EPB41: variants seen among roughly 807,000 people sequenced by gnomAD.
The protein encoded by EPB41 is erythrocyte membrane protein band 4.1.
In EPB41, 65 loss-of-function variants were observed where a neutral mutation model predicts 108.0. The observed-to-expected ratio is 0.60, with a 90% confidence interval of 0.49 to 0.74. The LOEUF (loss-of-function observed/expected upper bound fraction) is 0.74. EPB41 is among the 30% of genes least tolerant of loss of function. The pLI, the probability that EPB41 is intolerant of heterozygous loss-of-function variation, is 0.00. For synonymous variants in EPB41, 336 were observed against 358.9 expected (o/e 0.94, Z 0.72); for missense variants, 875 against 1,037.0 (o/e 0.84, Z 2.15).
intron 11 of EPB41, among the ~76,000 whole-genome samples, chr1:29,047,407 G>A (rs1643591319): frequency 2.8e-5 from 4 of 144,560 alleles, no homozygotes; most frequent in South Asian, 2.2e-4. Context: ...ACGCTACCGC[G>A]CCTGGCTAAT....
upstream of EPB41, chr1:28,911,252 G>T: frequency 1.2e-6 from 1 of 809,050 alleles, no homozygotes; most frequent in Non-Finnish European, 1.5e-6. Context: ...CTCATGTGTG[G>T]ATAGTACTTT....
chr1:29,093,934 A>G (rs1662264045), intron 16 of EPB41, among the ~76,000 whole-genome samples: 2 of 152,238 alleles, frequency 1.3e-5, no homozygotes, highest in African/African-American at 2.4e-5. Flanking sequence ...GCCAGTTCCT[A>G]TGTCCGGAAT....
Position 28,887,856 on chromosome 1 carries a change from C to G in EPB41, c.-8+646C>G, listed in dbSNP as rs2089627469. Reference sequence around the variant, plus strand: ...CCCTCTGTCTGGGTCTCCCGGGTCTCTCTGTCCGGTTCAGGCTCAGGTTCC... The same window carrying G: ...CCCTCTGTCTGGGTCTCCCGGGTCTGTCTGTCCGGTTCAGGCTCAGGTTCC... On this transcript the variant is annotated intron_variant, in intron 1 of 16. Transcript: ENST00000347529. The surrounding 1 kb of genome is among the most constrained non-coding windows in gnomAD (Gnocchi z 4.9). 6.6e-6 allele frequency among the ~76,000 whole-genome samples: 1 copy of G among 152,258 alleles called. No individual in the cohort carries two copies. Among genetic ancestry groups the G allele is most frequent in the Admixed American group, 6.5e-5 (1 of 15,294 alleles).
At chr1:29,110,059 G>T (rs1240025377) in intron 18 of EPB41, among the ~76,000 whole-genome samples, 4 of 151,016 alleles carry the variant, frequency 2.6e-5, no homozygotes, top group Non-Finnish European at 4.4e-5. Context: ...AAGGGGCCAG[G>T]CGTGGTGTAA....
At chr1:28,956,980 T>A (rs985873183) in intron 1 of EPB41, among the ~76,000 whole-genome samples, 4 of 152,226 alleles carry the variant, frequency 2.6e-5, no homozygotes, top group Non-Finnish European at 5.9e-5. Flanking sequence ...CTTGAAATAG[T>A]GAAAATAATT....
intron 4 of EPB41, among the ~76,000 whole-genome samples, chr1:29,001,399 T>C (rs889267593): frequency 1.3e-5 from 2 of 152,180 alleles, no homozygotes; most frequent in Non-Finnish European, 2.9e-5. Flanking sequence ...CTGTTTTATA[T>C]ACAGCTGTCC....
At chr1:29,025,354 T>C (rs1427384866) in intron 7 of EPB41, among the ~76,000 whole-genome samples, 1 of 152,004 alleles carries the variant, frequency 6.6e-6, no homozygotes, top group Non-Finnish European at 1.5e-5. Context: ...GGAAACTTTA[T>C]TGTAACTTCT....
At chr1:28,946,162 T>C (rs1157078335) in intron 1 of EPB41, among the ~76,000 whole-genome samples, 1 of 152,216 alleles carries the variant, frequency 6.6e-6, no homozygotes, top group Non-Finnish European at 1.5e-5. Context: ...AAAATACTTT[T>C]GTGATTGAGA....
intron 12 of EPB41, among the ~76,000 whole-genome samples, chr1:29,057,373 C>CAAAAAAA (rs72047998): frequency 6.3e-4 from 41 of 64,974 alleles, no homozygotes; most frequent in African/African-American, 1.1e-3. Flanking sequence ...GACTCTGTCT[C>CAAAAAAA]AAAAAAAAAA....
chr1:28,913,298 C>T (rs1157528394), upstream of EPB41, among the ~76,000 whole-genome samples: 12 of 152,062 alleles, frequency 7.9e-5, no homozygotes, highest in African/African-American at 1.7e-4. Flanking sequence ...ATTAGCTGGG[C>T]GTGGTGGTAC....
chr1:28,889,310 C>T (rs2089835605), intron 1 of EPB41, among the ~76,000 whole-genome samples: 1 of 152,162 alleles, frequency 6.6e-6, no homozygotes, highest in Admixed American at 6.5e-5. Flanking sequence ...TATAGGAGAG[C>T]CAGGCAACAC....
At chr1:29,109,162 C>T (rs1024462231) in intron 17 of EPB41, among the ~76,000 whole-genome samples, 174 bp from the exon 18 acceptor site, 3 of 150,924 alleles carry the variant, frequency 2.0e-5, no homozygotes, top group East Asian at 2.0e-4. Context: ...CACGCCACTG[C>T]ATTCCAGCCT....
intron 1 of EPB41, among the ~76,000 whole-genome samples, chr1:28,968,971 C>T (rs1336888467): frequency 2.5e-5 from 3 of 121,782 alleles, no homozygotes; most frequent in Admixed American, 2.5e-4. Context: ...CCTCCAAAAC[C>T]CCCCACCCCC....
chr1:29,002,081 A>G (rs1285293450), intron 4 of EPB41, among the ~76,000 whole-genome samples: 1 of 152,182 alleles, frequency 6.6e-6, no homozygotes, highest in East Asian at 1.9e-4. Context: ...TGGGAATGAT[A>G]ATGAGATAAT....
chr1:28,990,922 A>G (rs549651073), intron 2 of EPB41, among the ~76,000 whole-genome samples: 1 of 152,282 alleles, frequency 6.6e-6, no homozygotes, highest in East Asian at 1.9e-4. Flanking sequence ...ATTGAAATAA[A>G]TTGTCCGTAG....
intron 11 of EPB41, among the ~76,000 whole-genome samples, chr1:29,046,436 T>G (rs1425126322): frequency 3.3e-5 from 5 of 152,114 alleles, no homozygotes; most frequent in African/African-American, 4.8e-5. Context: ...CCTAAAAAAT[T>G]TATTATTAAT....
rs35413713 is a variant in EPB41, at chr1:29,092,093, C to CTTT, written c.2185-5695_2185-5693dup. On this transcript the variant is annotated intron_variant, in intron 16 of 20. Coordinates refer to ENST00000343067, the MANE Select transcript of EPB41 (RefSeq NM_001376013.1). ...ACTCATAGGAACACCTTCTTACCTT[C>CTTT]TTTTTTTTTTTTTTTTTTTTTGAGA... is the stretch of plus-strand genomic sequence containing the variant. Among the ~76,000 whole-genome samples, 241 of 113,082 alleles carry CTTT rather than the reference C, an allele frequency of 2.1e-3. 2 individuals are homozygous for CTTT. Among genetic ancestry groups the CTTT allele is most frequent in the Middle Eastern group, 4.9e-3 (1 of 204 alleles). The allele number at this position is 113,082 out of a possible 152,430, so 74.2% of individuals were successfully genotyped here. A position where few individuals can be genotyped will look rare whatever the true frequency, so the allele number is the denominator to read the frequency against.
chr1:29,048,156 T>G (rs1347438918), intron 11 of EPB41, among the ~76,000 whole-genome samples: 1 of 152,080 alleles, frequency 6.6e-6, no homozygotes, highest in Non-Finnish European at 1.5e-5. Flanking sequence ...AGAACCAACT[T>G]TTGGTTTTGT....
In EPB41 at chr1:29,115,832, G is replaced by T; in HGVS notation, c.*6+29G>T. Reference sequence around the variant, plus strand: ...CTGGGCGTTCCTGCTGGGGCTGAGGGTGCCCACAGTCCCAGCCTGAGAGGG... The same window carrying T: ...CTGGGCGTTCCTGCTGGGGCTGAGGTTGCCCACAGTCCCAGCCTGAGAGGG... On this transcript the variant is annotated intron_variant, in intron 20 of 20. Transcript: ENST00000343067. The surrounding 1 kb of genome is among the most constrained non-coding windows in gnomAD (Gnocchi z 4.4). 1.0e-5 allele frequency: 16 copies of T among 1,561,424 alleles called. No homozygotes were observed. The highest frequency in any genetic ancestry group is 1.4e-5 in the African/African-American group (1 of 73,852).
Sources: allele counts gnomAD v4.1 joint callset (sites outside exome capture counted in the v4.1 genomes callset), GRCh38; gene constraint gnomAD v4.1.1; non-coding constraint Gnocchi (gnomAD v3.1); transcripts MANE v1.5; gene names NCBI Gene and HGNC (gene_info 2026-07-23, HGNC 2026-07-21).